The following NOC2L variants were observed in gnomAD, a reference collection of about 807,000 sequenced individuals.
NOC2L encodes nucleolar complex protein 2 homolog.
NOC2L carries 101 observed loss-of-function variants against 94.2 expected under a neutral mutation model. That is an observed-to-expected ratio of 1.07 (90% confidence interval 0.91 to 1.26). The LOEUF (loss-of-function observed/expected upper bound fraction) is 1.26. Ranked by LOEUF, NOC2L falls within the 50% of genes most tolerant of loss-of-function variation. The pLI is 0.00. For synonymous variants in NOC2L, 531 were observed against 413.4 expected (o/e 1.28, Z -3.45); for missense variants, 1,076 against 980.1 (o/e 1.10, Z -1.31).
chr1:944,318 G>A lies in NOC2L; in HGVS notation c.*376C>T. The A allele has an allele frequency of 7.2e-7, 1 of 1,390,000 alleles. No individual in the cohort carries two copies. Among genetic ancestry groups the A allele is most frequent in the African/African-American group, 1.5e-5 (1 of 68,204 alleles). 86.1% of individuals were successfully genotyped at this position (1,390,000 alleles called of 1,614,324 possible). A position where few individuals can be genotyped will look rare whatever the true frequency, so the allele number is the denominator to read the frequency against. On this transcript the variant is annotated 3_prime_UTR_variant, in exon 19 of 19. Transcript: ENST00000327044. ...AAAGGAACAAATTTTCAAAGACTTGGGGGAGTGAAGGCAGAGCCTGGTGCA... is the reference window on the plus strand; with the variant it reads ...AAAGGAACAAATTTTCAAAGACTTGAGGGAGTGAAGGCAGAGCCTGGTGCA...
intron 12 of NOC2L, among the ~76,000 whole-genome samples, chr1:949,402 C>T (rs1642195162): frequency 1.3e-5 from 2 of 152,318 alleles, no homozygotes; most frequent in African/African-American, 2.4e-5. Flanking sequence ...TGATGAACCT[C>T]TGGGAGGACA....
intron 6 of NOC2L, among the ~76,000 whole-genome samples, chr1:954,986 G>A (rs1307510882): frequency 6.6e-6 from 1 of 152,360 alleles, no homozygotes; most frequent in East Asian, 1.9e-4. Flanking sequence ...TCACACCTGT[G>A]CTGACACTGG....
intron 2 of NOC2L, chr1:958,396 G>A (rs1440660005): frequency 3.2e-6 from 1 of 311,604 alleles, no homozygotes; most frequent in East Asian, 8.9e-5. Context: ...GGGATTACAG[G>A]TGCCCACCAC....
chr1:953,195 A>C lies in NOC2L; in HGVS notation c.982T>G (p.Phe328Val), dbSNP rs1557620598. Residue 328 changes from phenylalanine to valine, a missense_variant, in exon 9 of 19, where the codon TTC becomes GTC. Around this residue, in one of 3 missense-constraint regions of NOC2L, gnomAD observed 615 missense variants for 577.4 expected, o/e 1.07. Transcript: ENST00000327044. The part of the protein sequence containing the change: ...SRVCRHKKDT[F>V]LGPVLKQMYI... ...ACTACCTTGAGGACGGGGCCAAGGA[A>C]AGTGTCCTTCTTGTGCCGGCAGACT... 6.2e-7 allele frequency: 1 copy of C among 1,612,882 alleles called. No individual in the cohort carries two copies. Among genetic ancestry groups the C allele is most frequent in the East Asian group, 2.2e-5 (1 of 44,886 alleles).
At chr1:953,431 G>A (rs919077287) in intron 8 of NOC2L, 143 bp from the exon 9 acceptor site, 2 of 630,820 alleles carry the variant, frequency 3.2e-6, no homozygotes, top group Non-Finnish European at 5.8e-6. Context: ...CGTGAGTTAG[G>A]TGCTCAGTTA....
rs925598717 is a variant in NOC2L, at chr1:952,028, G to T, written c.1303C>A (p.Leu435Ile). ...SEALQPLVYP[L>I]AQVIIGCIKL... ...ATACAGCCAATGATGACTTGGGCAA[G>T]GGGGTAGACCAAGGGCTGGAGGGCT... Residue 435 changes from leucine (L) to isoleucine (I), a missense_variant, in exon 11 of 19, where the codon CTT (leucine) becomes ATT (isoleucine). By Grantham distance (5) the Leu-to-Ile change is conservative. Transcript: ENST00000327044. 11 of 1,613,108 alleles carry T rather than the reference G, an allele frequency of 6.8e-6. No individual in the cohort carries two copies. The highest frequency in any genetic ancestry group is 1.7e-5 in the Admixed American group (1 of 59,962).
At chr1:947,350 T>TAG (rs1642141901) in intron 14 of NOC2L, among the ~76,000 whole-genome samples, 1 of 152,198 alleles carries the variant, frequency 6.6e-6, no homozygotes, top group African/African-American at 2.4e-5. Context: ...CCCGGCTCTG[T>TAG]GCATGTGACA....
chr1:951,940 G>T, intron 11 of NOC2L, 60 bp downstream of exon 11: 1 of 1,560,534 alleles, frequency 6.4e-7, no homozygotes, highest in Non-Finnish European at 8.7e-7. Flanking sequence ...CGCCCACACA[G>T]TCCCAGCAAA....
At chr1:957,563 C>G in intron 2 of NOC2L, 1 of 397,614 alleles carries the variant, frequency 2.5e-6, no homozygotes, top group South Asian at 3.6e-5. Context: ...TGTGCCTGTG[C>G]CCTGCGCTAC....
In NOC2L at chr1:944,693, C is replaced by T. The variant is rs778302720; in HGVS notation, c.*1G>A. 3.1e-6 allele frequency: 5 copies of T among 1,590,406 alleles called. No homozygotes were observed. The African/African-American group carries it at 6.7e-5, about 21-fold the overall frequency. On this transcript the variant is annotated 3_prime_UTR_variant, in exon 19 of 19. Transcript: ENST00000327044. ...CCTACAGGCCCCCCAGATGGGCTGC[C>T]TCAGTCGTCCTCTGAGAGCTGCAGA...
At chr1:952,859 C>T (rs58215279) in intron 9 of NOC2L, among the ~76,000 whole-genome samples, 4,347 of 152,264 alleles carry the variant, frequency 0.029, 196 homozygotes, top group African/African-American at 0.094. Flanking sequence ...GGCTTGGGGA[C>T]GGGCAGTAGG....
In NOC2L at chr1:948,181, G is replaced by T. The variant is rs778307982; in HGVS notation, c.1609C>A (p.Gln537Lys). The T allele has an allele frequency of 1.9e-6, 3 of 1,591,018 alleles. No homozygotes were observed. In the African/African-American group the frequency reaches 4.0e-5, roughly 21 times the overall value. ...YDLTLEYLHS[Q>K]AHCIGFPELV... is the part of the protein sequence containing the mutation. ...TCCGGGAAGCCGATGCAGTGTGCCT[G>T]GCTGTGCAGGTACTCCAGGGTGAGG... is the stretch of plus-strand genomic sequence containing the variant. The change falls in exon 14 of 19, where the codon CAG (glutamine) becomes AAG (lysine). Residue 537 changes from glutamine to lysine, a missense_variant. Physicochemically the swap from Gln to Lys is moderately conservative, Grantham distance 53. Around this residue, in one of 3 missense-constraint regions of NOC2L, gnomAD observed 615 missense variants for 577.4 expected, o/e 1.07. Coordinates refer to ENST00000327044, the MANE Select transcript of NOC2L (RefSeq NM_015658.4).
intron 14 of NOC2L, among the ~76,000 whole-genome samples, chr1:947,857 C>T (rs915427269): frequency 2.0e-5 from 3 of 152,246 alleles, no homozygotes; most frequent in African/African-American, 7.2e-5. Flanking sequence ...AACCCCGAAG[C>T]AAAGATCAGC....
rs113534699 is a variant in NOC2L, at chr1:955,209, T to C, written c.698+714A>G. On this transcript the variant is annotated intron_variant, in intron 6 of 18. Coordinates refer to ENST00000327044, the MANE Select transcript of NOC2L (RefSeq NM_015658.4). Reference sequence around the variant, plus strand: ...GGACAGCACTGCCTCCATGTGGACATGGCTCTGTTCTATCCGTCCAGCCCC... The same window carrying C: ...GGACAGCACTGCCTCCATGTGGACACGGCTCTGTTCTATCCGTCCAGCCCC... 1.0e-3 allele frequency among the ~76,000 whole-genome samples: 156 copies of C among 152,378 alleles called. 1 individual carries two copies. The highest frequency in any genetic ancestry group is 3.7e-3 in the African/African-American group (153 of 41,600).
At chr1:953,502 C>T (rs757477533) in intron 8 of NOC2L, among the ~76,000 whole-genome samples, 12 of 152,250 alleles carry the variant, frequency 7.9e-5, no homozygotes, top group African/African-American at 1.4e-4. Context: ...AAGTTTACCA[C>T]GTCAGACACG....
At chr1:948,431 A>G (rs1297933517) in intron 13 of NOC2L, 59 bp downstream of exon 13, 5 of 1,327,402 alleles carry the variant, frequency 3.8e-6, no homozygotes, top group Non-Finnish European at 5.4e-6. Flanking sequence ...CATCCACCTC[A>G]GCACCCCCAA....
chr1:950,721 C>T (rs531543512), intron 12 of NOC2L, among the ~76,000 whole-genome samples: 143 of 151,976 alleles, frequency 9.4e-4, no homozygotes, highest in African/African-American at 3.4e-3. Flanking sequence ...CATGCATGCA[C>T]AGACAAACGC....
At chr1:956,362 A>T (rs1642401339) in intron 4 of NOC2L, 147 bp from the exon 5 acceptor site, 5 of 853,886 alleles carry the variant, frequency 5.9e-6, no homozygotes, top group Non-Finnish European at 8.9e-6. Flanking sequence ...CCATACTGAT[A>T]ACAAAAATGG....
chr1:944,236 T>C lies in NOC2L; in HGVS notation c.*458A>G, dbSNP rs920401695. On this transcript the variant is annotated 3_prime_UTR_variant, in exon 19 of 19. Coordinates refer to ENST00000327044, the MANE Select transcript of NOC2L (RefSeq NM_015658.4). Reference sequence around the variant, plus strand: ...ATGGCCCTGCCTCCCACCGCTTTATTTCTTTCGGTTTCGGATGCAAAACAA... The same window carrying C: ...ATGGCCCTGCCTCCCACCGCTTTATCTCTTTCGGTTTCGGATGCAAAACAA... 4 of 1,457,686 alleles carry C rather than the reference T, an allele frequency of 2.7e-6. No individual in the cohort carries two copies. The highest frequency in any genetic ancestry group is 2.9e-5 in the African/African-American group (2 of 69,798). 90.3% of individuals were successfully genotyped at this position (1,457,686 alleles called of 1,614,324 possible).
Sources: gnomAD v4.1 joint callset for allele counts (sites outside exome capture counted in the v4.1 genomes callset) on GRCh38, gnomAD v4.1.1 for gene constraint, gnomAD v4.1.1 regional missense constraint, MANE v1.5 for transcripts, NCBI Gene and HGNC (gene_info 2026-07-23, HGNC 2026-07-21) for gene names.